The following PTDSS1 variants were observed in gnomAD, a reference collection of about 807,000 sequenced individuals.
PTDSS1 encodes the protein PSS-1.
A neutral mutation model predicts 70.5 loss-of-function variants in PTDSS1; 45 were observed. That is an observed-to-expected ratio of 0.64 (90% CI 0.50 to 0.82). The LOEUF is 0.82. PTDSS1 is among the 40% of genes least tolerant of loss of function. The pLI is 0.00. For synonymous variants in PTDSS1, 188 were observed against 203.8 expected, an observed-to-expected ratio of 0.92 and a Z score of 0.66; for missense variants, 417 against 586.1, an observed-to-expected ratio of 0.71 and a Z score of 2.98.
At chr8:96,285,565 A>C (rs952400639) in intron 3 of PTDSS1, among the ~76,000 whole-genome samples, 3 of 152,188 alleles carry the variant, frequency 2.0e-5, no homozygotes, top group African/African-American at 7.2e-5. Flanking sequence ...ATTTTCAGCT[A>C]TTTGGACACA....
chr8:96,269,203 A>G (rs1351237362), intron 1 of PTDSS1, among the ~76,000 whole-genome samples: 2 of 152,214 alleles, frequency 1.3e-5, no homozygotes, highest in African/African-American at 2.4e-5. Context: ...TACAGCCAGC[A>G]TTCCAGAAGC....
At chr8:96,294,881 C>T (rs1003137269) in intron 4 of PTDSS1, among the ~76,000 whole-genome samples, 2 of 152,224 alleles carry the variant, frequency 1.3e-5, no homozygotes, top group South Asian at 4.1e-4. Context: ...TTTAATGCAG[C>T]TTTTGCAATT....
chr8:96,298,559 G>A (rs555398336), intron 5 of PTDSS1, among the ~76,000 whole-genome samples: 110 of 152,158 alleles, frequency 7.2e-4, no homozygotes, highest in Non-Finnish European at 6.8e-4. Context: ...TGGAATGCCC[G>A]CATCTTCATC....
In PTDSS1 at chr8:96,280,811, ACTC is replaced by A. The variant is rs1341339011; in HGVS notation, c.272-3295_272-3293del. ...TATAAAGCACAGGTAAGGAGTAGGA[ACTC>A]CTGTGGAAAGCAACCATGAGGCTGA... is the stretch of plus-strand genomic sequence containing the variant. On this transcript the variant is annotated intron_variant, in intron 2 of 12. Coordinates refer to ENST00000517309, the MANE Select transcript of PTDSS1 (RefSeq NM_014754.3). Among the ~76,000 whole-genome samples, 26 of 152,224 alleles carry A rather than the reference ACTC, an allele frequency of 1.7e-4. 1 individual carries two copies. In the East Asian group the frequency reaches 4.8e-3, roughly 28 times the overall value.
At chr8:96,275,965 C>T (rs190799774) in intron 2 of PTDSS1, among the ~76,000 whole-genome samples, 268 of 152,358 alleles carry the variant, frequency 1.8e-3, no homozygotes, top group Middle Eastern at 3.4e-3. Flanking sequence ...GAGCATGATA[C>T]GTGCATATGT....
intron 9 of PTDSS1, among the ~76,000 whole-genome samples, chr8:96,315,168 C>T (rs1004390007): frequency 6.6e-6 from 1 of 152,216 alleles, no homozygotes; most frequent in African/African-American, 2.4e-5. Context: ...AAGCTCACTC[C>T]TGAACTTGGA....
intron 10 of PTDSS1, among the ~76,000 whole-genome samples, chr8:96,321,358 T>A (rs1563583482): frequency 6.6e-6 from 1 of 152,248 alleles, no homozygotes; most frequent in Non-Finnish European, 1.5e-5. Flanking sequence ...AAATACCTAA[T>A]CAGTGTTCAA....
chr8:96,269,530 C>G (rs1360814361), intron 1 of PTDSS1, among the ~76,000 whole-genome samples: 1 of 152,096 alleles, frequency 6.6e-6, no homozygotes, highest in Non-Finnish European at 1.5e-5. Context: ...CTTAGTTGAG[C>G]AAGTACCCTT....
intron 6 of PTDSS1, among the ~76,000 whole-genome samples, chr8:96,300,206 C>T (rs1563573715): frequency 6.6e-6 from 1 of 152,136 alleles, no homozygotes; most frequent in Admixed American, 6.5e-5. Context: ...CAGTCCTTCC[C>T]ACACCATTGC....
At chr8:96,329,560 G>T (rs1252034465) in intron 10 of PTDSS1, among the ~76,000 whole-genome samples, 1 of 152,206 alleles carries the variant, frequency 6.6e-6, no homozygotes, top group Non-Finnish European at 1.5e-5. Context: ...AGTAGAGGTT[G>T]TCCCTGCCTC....
At chr8:96,306,659 A>G in intron 8 of PTDSS1, 103 bp downstream of exon 8, 1 of 881,688 alleles carries the variant, frequency 1.1e-6, no homozygotes, top group South Asian at 1.5e-5. Flanking sequence ...TTTTCCATGA[A>G]AATACCATCG....
intron 6 of PTDSS1, among the ~76,000 whole-genome samples, chr8:96,303,690 T>G (rs1439248249): frequency 2.0e-5 from 3 of 152,196 alleles, no homozygotes; most frequent in Non-Finnish European, 4.4e-5. Context: ...TAAATATCAC[T>G]GTTCATCAAC....
intron 8 of PTDSS1, 26 bp downstream of exon 8, chr8:96,306,582 A>G (rs774525889): frequency 6.6e-7 from 1 of 1,508,656 alleles, no homozygotes; most frequent in Non-Finnish European, 9.2e-7. Context: ...CCTGACTGTC[A>G]TATGAGAACA....
chr8:96,279,465 A>T (rs1006890833), intron 2 of PTDSS1, among the ~76,000 whole-genome samples: 37 of 152,180 alleles, frequency 2.4e-4, no homozygotes, highest in African/African-American at 8.7e-4. Context: ...TTAAAAAAAA[A>T]AAAAAAGTTC....
chr8:96,262,114 A>G lies in PTDSS1; in HGVS notation c.74A>G (p.Asn25Ser). Residue 25 changes from asparagine to serine, a missense_variant, in exon 1 of 13, where the codon AAC becomes AGC. By Grantham distance (46) the Asn-to-Ser change is conservative. Coordinates refer to ENST00000517309, the MANE Select transcript of PTDSS1 (RefSeq NM_014754.3). This position sits in a 1 kb window ranked among gnomAD's most constrained non-coding sequence, Gnocchi z 4.4. ...TACAAAATGCATTTCCGGATGATCAACGAGCAGCAAGTGGAGGACATCACC... is the reference window on the plus strand; with the variant it reads ...TACAAAATGCATTTCCGGATGATCAGCGAGCAGCAAGTGGAGGACATCACC... ...VNYKMHFRMI[N>S]EQQVEDITID... 1 of 1,613,930 alleles carries G rather than the reference A, an allele frequency of 6.2e-7. No homozygotes were observed. Among genetic ancestry groups the G allele is most frequent in the Non-Finnish European group, 8.5e-7 (1 of 1,179,822 alleles).
At chr8:96,300,373 C>T (rs543356460) in intron 6 of PTDSS1, among the ~76,000 whole-genome samples, 1 of 152,274 alleles carries the variant, frequency 6.6e-6, no homozygotes, top group Admixed American at 6.5e-5. Context: ...TGCACACGCT[C>T]CCCTCTCTTC....
intron 1 of PTDSS1, among the ~76,000 whole-genome samples, chr8:96,270,242 C>A (rs1405991074): frequency 1.3e-5 from 2 of 152,136 alleles, no homozygotes; most frequent in Admixed American, 6.5e-5. Context: ...AGCTAACATG[C>A]AAAGCCACTA....
At chr8:96,281,008 G>C (rs984729851) in intron 2 of PTDSS1, among the ~76,000 whole-genome samples, 39 of 152,094 alleles carry the variant, frequency 2.6e-4, no homozygotes, top group African/African-American at 9.2e-4. Flanking sequence ...GGCTCATGCC[G>C]GGCAGGTGAT....
rs893784642 is a variant in PTDSS1 at position 96,334,201 on chromosome 8, C to T, written c.*635C>T. The T allele has an allele frequency of 1.1e-5, 2 of 178,440 alleles. No individual in the cohort carries two copies. Among genetic ancestry groups the T allele is most frequent in the Non-Finnish European group, 2.3e-5 (2 of 85,284 alleles). 11.1% of individuals were successfully genotyped at this position (178,440 alleles called of 1,614,324 possible). The stretch of plus-strand genomic sequence containing the variant: ...TAACCTCAGTCTCCTGTAAGACCTC[C>T]TACCACATGGCGAGTATACACCAAT... On this transcript the variant is annotated 3_prime_UTR_variant, in exon 13 of 13. Transcript: ENST00000517309.
Sources: gnomAD v4.1 joint callset for allele counts (sites outside exome capture counted in the v4.1 genomes callset) on GRCh38, gnomAD v4.1.1 for gene constraint, Gnocchi (gnomAD v3.1) non-coding constraint, MANE v1.5 for transcripts, NCBI Gene and HGNC (gene_info 2026-07-23, HGNC 2026-07-21) for gene names.